The following TARS3 variants were observed in gnomAD, a reference collection of about 807,000 sequenced individuals.
The protein encoded by TARS3 is threonine--tRNA ligase 2, cytoplasmic.
TARS3 carries 94 observed loss-of-function variants against 103.5 expected under a neutral mutation model. The ratio of observed to expected loss-of-function variants is 0.91; its 90% CI spans 0.77 to 1.08. The LOEUF (loss-of-function observed/expected upper bound fraction) is 1.08, where lower values mean the gene tolerates loss of function less well. TARS3 is among the 50% of genes least tolerant of loss of function. The pLI is 0.00. For missense variants in TARS3, 952 were observed against 995.2 expected (o/e 0.96, Z 0.58); for synonymous variants, 416 against 355.4 (o/e 1.17, Z -1.92).
chr15:101,714,693 A>G (rs1900049144), intron 4 of TARS3, 147 bp downstream of exon 4: 7 of 540,820 alleles, frequency 1.3e-5, no homozygotes, highest in Non-Finnish European at 2.1e-5. Flanking sequence ...CATGCCACAA[A>G]TATTTATTAA....
intron 10 of TARS3, among the ~76,000 whole-genome samples, chr15:101,697,431 T>A (rs568148678): frequency 1.3e-5 from 2 of 152,066 alleles, no homozygotes; most frequent in African/African-American, 4.8e-5. Flanking sequence ...TGGGGAGACG[T>A]CCAGGCAGAA....
At chr15:101,700,520 A>G (rs146668846) in intron 10 of TARS3, among the ~76,000 whole-genome samples, 11 of 152,306 alleles carry the variant, frequency 7.2e-5, no homozygotes, top group African/African-American at 2.4e-4. Flanking sequence ...GCTTACCTTT[A>G]TATTCTACAT....
In TARS3 at chr15:101,710,084, C is replaced by T. The variant is rs191114415; in HGVS notation, c.813-1174G>A. On this transcript the variant is annotated intron_variant, in intron 5 of 18. Transcript: ENST00000335968. ...AGAGGGGCTAGAGATTGGGTTATCA[C>T]CAAAGGTCAATGATTTAATCAATTG... Among the ~76,000 whole-genome samples, 7 of 152,304 alleles carry T rather than the reference C, an allele frequency of 4.6e-5. 1 individual carries two copies. The South Asian group carries it at 1.5e-3, about 32-fold the overall frequency.
chr15:101,701,314 A>T (rs920935223), intron 9 of TARS3, 130 bp from the exon 10 acceptor site: 21 of 506,318 alleles, frequency 4.1e-5, no homozygotes, highest in Non-Finnish European at 6.6e-5. Flanking sequence ...CAACACTTAT[A>T]CCTAAATGCA....
chr15:101,703,993 C>T, intron 7 of TARS3, 56 bp from the exon 8 acceptor site: 1 of 1,230,942 alleles, frequency 8.1e-7, no homozygotes, highest in Non-Finnish European at 1.2e-6. Context: ...CTGGACTATT[C>T]ATTATAAGCC....
At chr15:101,659,228 T>C (rs149418313) in intron 16 of TARS3, among the ~76,000 whole-genome samples, 9 of 152,264 alleles carry the variant, frequency 5.9e-5, no homozygotes, top group Middle Eastern at 3.4e-3. Context: ...TCATAGTGAG[T>C]ATTTAGTCTG....
chr15:101,674,330 G>C (rs1897935077), intron 13 of TARS3, among the ~76,000 whole-genome samples: 1 of 152,162 alleles, frequency 6.6e-6, no homozygotes, highest in Non-Finnish European at 1.5e-5. Flanking sequence ...CTTCCTTTAA[G>C]TGAAAAGGTG....
chr15:101,699,268 G>A (rs924896066), intron 10 of TARS3: 8 of 341,400 alleles, frequency 2.3e-5, no homozygotes, highest in African/African-American at 1.1e-4. Context: ...TCTCAGTGTC[G>A]CCTGTGTCTG....
At chr15:101,700,218 T>C (rs1009508609) in intron 10 of TARS3, among the ~76,000 whole-genome samples, 3 of 152,218 alleles carry the variant, frequency 2.0e-5, no homozygotes, top group Non-Finnish European at 4.4e-5. Context: ...GTAATCCCAG[T>C]AGTCCACCCG....
In TARS3 at chr15:101,654,434, G is replaced by T; in HGVS notation, c.*148C>A. The stretch of plus-strand genomic sequence containing the variant: ...AGTAAATTAAACTTCGTGCATGTCA[G>T]CTACACGTTCATCGTCTCCTTTCTC... On this transcript the variant is annotated 3_prime_UTR_variant, in exon 19 of 19. Transcript: ENST00000335968. 2.5e-6 allele frequency: 2 copies of T among 808,764 alleles called. No homozygotes were observed. Among genetic ancestry groups the T allele is most frequent in the Non-Finnish European group, 3.7e-6 (2 of 535,992 alleles). The allele number at this position is 808,764 out of a possible 1,614,324, so 50.1% of individuals were successfully genotyped here. A position where few individuals can be genotyped will look rare whatever the true frequency, so the allele number is the denominator to read the frequency against.
intron 15 of TARS3, among the ~76,000 whole-genome samples, chr15:101,668,963 T>C (rs1328610132): frequency 6.6e-6 from 1 of 152,236 alleles, no homozygotes; most frequent in African/African-American, 2.4e-5. Flanking sequence ...TTAATTGTTA[T>C]TTAAGGTGTA....
Position 101,653,604 on chromosome 15 carries a change from T to A in TARS3, c.*978A>T, listed in dbSNP as rs1376303895. On this transcript the variant is annotated 3_prime_UTR_variant, in exon 19 of 19. Transcript: ENST00000335968. The stretch of plus-strand genomic sequence containing the variant: ...CTTATACTACTACACAAGCCTGATA[T>A]ATATTGTTTTGTTTGCCAACTGTTT... The A allele has an allele frequency of 1.3e-5, 2 of 152,258 alleles. No homozygotes were observed. Among genetic ancestry groups the A allele is most frequent in the Non-Finnish European group, 2.9e-5 (2 of 68,050 alleles). The allele number at this position is 152,258 out of a possible 1,614,324, so 9.4% of individuals were successfully genotyped here.
chr15:101,722,854 C>A (rs1206701656), intron 2 of TARS3, among the ~76,000 whole-genome samples: 4 of 151,340 alleles, frequency 2.6e-5, no homozygotes, highest in Non-Finnish European at 5.9e-5. Flanking sequence ...ACAAAAAAAA[C>A]CAACTCTAGT....
chr15:101,720,263 C>T (rs774127367), intron 3 of TARS3, among the ~76,000 whole-genome samples: 12 of 152,110 alleles, frequency 7.9e-5, no homozygotes, highest in Non-Finnish European at 1.6e-4. Context: ...GGCATTAATA[C>T]AATTGTATAG....
At position 101,653,690 on chromosome 15, in the gene TARS3, C is replaced by T. The variant is rs1238027529; in HGVS notation, c.*892G>A. 1.3e-5 allele frequency: 2 copies of T among 151,932 alleles called. No homozygotes were observed. The highest frequency in any genetic ancestry group is 4.9e-5 in the African/African-American group (2 of 41,182). 9.4% of individuals were successfully genotyped at this position (151,932 alleles called of 1,614,324 possible). A position where few individuals can be genotyped will look rare whatever the true frequency, so the allele number is the denominator to read the frequency against. On this transcript the variant is annotated 3_prime_UTR_variant, in exon 19 of 19. Coordinates refer to ENST00000335968, the MANE Select transcript of TARS3 (RefSeq NM_152334.3). ...TCAGTATATTGAAAAGAGATTATTT[C>T]TTACATTTCTTTTGAATTTCACAGC...
chr15:101,657,558 A>C (rs1410093819), intron 17 of TARS3, among the ~76,000 whole-genome samples: 1 of 152,246 alleles, frequency 6.6e-6, no homozygotes, highest in Non-Finnish European at 1.5e-5. Flanking sequence ...GAAATGAATA[A>C]TTATGATATG....
At chr15:101,712,378 C>G (rs1344927607) in intron 4 of TARS3, among the ~76,000 whole-genome samples, 1 of 152,152 alleles carries the variant, frequency 6.6e-6, no homozygotes, top group East Asian at 1.9e-4. Flanking sequence ...CGAGGAGTGC[C>G]AGATGCTAGC....
At chr15:101,672,003 G>A (rs900294006) in intron 13 of TARS3, among the ~76,000 whole-genome samples, 1 of 152,142 alleles carries the variant, frequency 6.6e-6, no homozygotes, top group Non-Finnish European at 1.5e-5. Context: ...GTGAATTCCA[G>A]GTAAGCATTA....
intron 4 of TARS3, 154 bp downstream of exon 4, chr15:101,714,686 G>C (rs1246121896): frequency 8.8e-6 from 4 of 454,430 alleles, no homozygotes; most frequent in Non-Finnish European, 1.4e-5. Flanking sequence ...ATACATTCAT[G>C]CCACAAATAT....
Sources: allele counts gnomAD v4.1 joint callset (sites outside exome capture counted in the v4.1 genomes callset), GRCh38; gene constraint gnomAD v4.1.1; transcripts MANE v1.5; gene names NCBI Gene and HGNC (gene_info 2026-07-23, HGNC 2026-07-21).